The following GRIK1 variants were observed in gnomAD, a reference collection of about 807,000 sequenced individuals.
GRIK1 encodes the protein glutamate receptor ionotropic, kainate 1.
In GRIK1, 69 loss-of-function variants were observed where a neutral mutation model predicts 105.7. The ratio of observed to expected loss-of-function variants is 0.65; its 90% CI spans 0.54 to 0.80. The LOEUF (loss-of-function observed/expected upper bound fraction) is 0.80. GRIK1 is among the 30% of genes least tolerant of loss of function. GRIK1 has a pLI of 0.00. For synonymous variants in GRIK1, 438 were observed against 431.3 expected (o/e 1.02, Z -0.19); for missense variants, 1,109 against 1,167.3 (o/e 0.95, Z 0.73).
At chr21:29,810,733 A>G (rs1569118570) in intron 1 of GRIK1, among the ~76,000 whole-genome samples, 1 of 152,198 alleles carries the variant, frequency 6.6e-6, no homozygotes, top group Admixed American at 6.5e-5. Context: ...GAAAGCAATG[A>G]AGACAGAGAA....
At chr21:29,814,216 G>T (rs1388705264) in intron 1 of GRIK1, among the ~76,000 whole-genome samples, 1 of 151,214 alleles carries the variant, frequency 6.6e-6, no homozygotes, top group Admixed American at 6.6e-5. Context: ...CTCCCAAAGT[G>T]CTGGGATTAC....
At chr21:29,692,867 C>T (rs951487499) in intron 2 of GRIK1, among the ~76,000 whole-genome samples, 2 of 152,184 alleles carry the variant, frequency 1.3e-5, no homozygotes, top group Non-Finnish European at 2.9e-5. Flanking sequence ...GCCACTGCGC[C>T]CTGCTATGTT....
intron 1 of GRIK1, among the ~76,000 whole-genome samples, chr21:29,889,475 G>T (rs894595206): frequency 6.6e-6 from 1 of 151,602 alleles, no homozygotes; most frequent in African/African-American, 2.4e-5. Context: ...AACATTTTGC[G>T]TTTCAATTTT....
Position 29,926,618 on chromosome 21 carries a change from T to G in GRIK1, c.118+12765A>C, listed in dbSNP as rs554279377. Among the ~76,000 whole-genome samples the G allele has an allele frequency of 1.6e-3, 250 of 151,942 alleles. 1 individual carries two copies. The highest frequency in any genetic ancestry group is 5.8e-3 in the African/African-American group (239 of 41,498). ...TTGAACACTATTGTTGTTAATTTAT[T>G]TATGTATCTTATATAGTTTTTTGTA... On this transcript the variant is annotated intron_variant, in intron 1 of 17. Transcript: ENST00000327783.
chr21:29,877,990 T>C (rs965423202), intron 1 of GRIK1, among the ~76,000 whole-genome samples: 3 of 152,064 alleles, frequency 2.0e-5, no homozygotes, highest in African/African-American at 7.2e-5. Flanking sequence ...TGTGGGGAGA[T>C]TAATTATGCC....
At chr21:29,676,373 C>T (rs939393398) in intron 3 of GRIK1, among the ~76,000 whole-genome samples, 1 of 152,138 alleles carries the variant, frequency 6.6e-6, no homozygotes, top group Non-Finnish European at 1.5e-5. Context: ...AGCCTTTCTG[C>T]CTTCATTAGC....
intron 12 of GRIK1, among the ~76,000 whole-genome samples, chr21:29,583,633 G>C (rs1014209834): frequency 6.6e-6 from 1 of 152,092 alleles, no homozygotes; most frequent in Non-Finnish European, 1.5e-5. Flanking sequence ...TTTTTGTGTG[G>C]CAAAAAGAAA....
intron 16 of GRIK1, among the ~76,000 whole-genome samples, chr21:29,543,501 T>G (rs2090003006): frequency 6.6e-6 from 1 of 152,194 alleles, no homozygotes; most frequent in African/African-American, 2.4e-5. Context: ...AGTTTTTGCA[T>G]TCCAGAACTG....
intron 1 of GRIK1, among the ~76,000 whole-genome samples, chr21:29,799,274 T>G (rs1270856585): frequency 6.6e-6 from 1 of 152,236 alleles, no homozygotes; most frequent in African/African-American, 2.4e-5. Flanking sequence ...TTTTAAGACA[T>G]TTAGACTGAC....
intron 3 of GRIK1, among the ~76,000 whole-genome samples, chr21:29,680,619 G>A (rs1357204615): frequency 6.6e-6 from 1 of 152,208 alleles, no homozygotes. Context: ...GAAAATTCCA[G>A]AAATAAACAA....
chr21:29,895,437 G>A (rs1250085655), intron 1 of GRIK1, among the ~76,000 whole-genome samples: 4 of 152,068 alleles, frequency 2.6e-5, no homozygotes, highest in African/African-American at 9.7e-5. Context: ...GAAAAAACAG[G>A]CAAACAACAA....
At chr21:29,927,538 C>T (rs1043949122) in intron 1 of GRIK1, among the ~76,000 whole-genome samples, 1 of 149,856 alleles carries the variant, frequency 6.7e-6, no homozygotes, top group African/African-American at 2.4e-5. Flanking sequence ...ATAAATGCAG[C>T]CATATACACA....
intron 1 of GRIK1, among the ~76,000 whole-genome samples, chr21:29,923,039 G>T (rs1288936313): frequency 6.6e-6 from 1 of 152,152 alleles, no homozygotes; most frequent in Non-Finnish European, 1.5e-5. Flanking sequence ...ATTTGTGTGT[G>T]TTTATGTGTA....
At chr21:29,674,068 T>A (rs374020225) in intron 3 of GRIK1, among the ~76,000 whole-genome samples, 19,280 of 151,626 alleles carry the variant, frequency 0.13, 1,719 homozygotes, top group African/African-American at 0.25. Context: ...TTGAGTTTTT[T>A]TTTTTGTTGT....
intron 1 of GRIK1, among the ~76,000 whole-genome samples, chr21:29,701,052 T>C (rs1202719911): frequency 6.6e-6 from 1 of 152,212 alleles, no homozygotes; most frequent in Non-Finnish European, 1.5e-5. Flanking sequence ...TATTTAGTTG[T>C]TGTTGTTGTT....
intron 1 of GRIK1, among the ~76,000 whole-genome samples, chr21:29,702,061 C>T (rs968036159): frequency 2.0e-5 from 3 of 152,090 alleles, no homozygotes; most frequent in African/African-American, 2.4e-5. Flanking sequence ...CCAAAGACCA[C>T]GTGTTCTCAT....
chr21:29,805,201 C>G (rs577653266), intron 1 of GRIK1, among the ~76,000 whole-genome samples: 1 of 152,238 alleles, frequency 6.6e-6, no homozygotes, highest in East Asian at 1.9e-4. Context: ...CAAATCTCAG[C>G]CTAGTTGTTA....
intron 1 of GRIK1, among the ~76,000 whole-genome samples, chr21:29,847,746 T>C (rs2068167227): frequency 6.6e-6 from 1 of 152,238 alleles, no homozygotes; most frequent in South Asian, 2.1e-4. Context: ...GCATTCTCTG[T>C]ATCCTCAGCT....
chr21:29,827,354 G>A (rs914824334), intron 1 of GRIK1, among the ~76,000 whole-genome samples: 27 of 152,202 alleles, frequency 1.8e-4, no homozygotes, highest in Admixed American at 4.6e-4. Context: ...AGAGTTTTAT[G>A]AATTCAAATA....
Sources: allele counts gnomAD v4.1 joint callset (sites outside exome capture counted in the v4.1 genomes callset), GRCh38; gene constraint gnomAD v4.1.1; transcripts MANE v1.5; gene names NCBI Gene and HGNC (gene_info 2026-07-23, HGNC 2026-07-21).